The following AP3D1 variants were observed in gnomAD, a reference collection of about 807,000 sequenced individuals.
AP3D1 encodes AP-3 complex subunit delta-1.
In AP3D1, 51 loss-of-function variants were observed where a neutral mutation model predicts 147.6. The observed-to-expected ratio is 0.35, with a 90% confidence interval of 0.28 to 0.44. AP3D1 has a LOEUF of 0.44. AP3D1 is among the 20% of genes least tolerant of loss of function. The probability of loss-of-function intolerance (pLI) is 1.00; values close to 1 mark genes in which losing one functional copy is unlikely to be tolerated. For synonymous variants in AP3D1, 760 were observed against 663.0 expected, an observed-to-expected ratio of 1.15 and a Z score of -2.25; for missense variants, 1,421 against 1,624.2, an observed-to-expected ratio of 0.87 and a Z score of 2.15.
intron 12 of AP3D1, among the ~76,000 whole-genome samples, 189 bp from the exon 13 acceptor site, chr19:2,121,500 G>A (rs1035491725): frequency 9.9e-5 from 15 of 152,174 alleles, no homozygotes; most frequent in African/African-American, 3.6e-4. Flanking sequence ...CCCAGCCAGG[G>A]AGCAACAACT....
chr19:2,118,545 AG>A, intron 15 of AP3D1, 55 bp downstream of exon 15: 2 of 1,531,138 alleles, frequency 1.3e-6, no homozygotes, highest in South Asian at 2.3e-5. Flanking sequence ...GCCACTGGAC[AG>A]AAAGGCACTG....
At chr19:2,138,804 G>GT in intron 1 of AP3D1, 90 bp from the exon 2 acceptor site, 1 of 918,758 alleles carries the variant, frequency 1.1e-6, no homozygotes, top group Non-Finnish European at 1.8e-6. Flanking sequence ...GCTCACGCCT[G>GT]TAATCCCAGC....
At chr19:2,120,839 C>A in intron 14 of AP3D1, 23 bp downstream of exon 14, 1 of 1,595,688 alleles carries the variant, frequency 6.3e-7, no homozygotes, top group South Asian at 1.1e-5. Context: ...AGCTGCCAGC[C>A]CAGAGGCCCA....
chr19:2,134,084 T>A (rs2019017412), intron 4 of AP3D1, among the ~76,000 whole-genome samples: 1 of 151,316 alleles, frequency 6.6e-6, no homozygotes. Flanking sequence ...GGCGACAGAG[T>A]GAGACTCTGT....
At chr19:2,140,380 G>A (rs1422407711) in intron 1 of AP3D1, among the ~76,000 whole-genome samples, 1 of 152,112 alleles carries the variant, frequency 6.6e-6, no homozygotes, top group Admixed American at 6.6e-5. Flanking sequence ...ACACAGGGCA[G>A]CACCATTTCT....
intron 20 of AP3D1, 91 bp from the exon 21 acceptor site, chr19:2,114,912 C>A: frequency 7.3e-7 from 1 of 1,370,568 alleles, no homozygotes; most frequent in East Asian, 2.3e-5. Context: ...ACTGCCCATG[C>A]GGGCCACACG....
chr19:2,116,525 G>A, intron 17 of AP3D1, 80 bp downstream of exon 17: 1 of 1,457,002 alleles, frequency 6.9e-7, no homozygotes, highest in East Asian at 2.5e-5. Context: ...AGGACCCACA[G>A]AGGCCGCTGA....
chr19:2,111,687 G>C lies in AP3D1; in HGVS notation c.2929C>G (p.Gln977Glu). 1 of 1,591,204 alleles carries C rather than the reference G, an allele frequency of 6.3e-7. No homozygotes were observed. The stretch of plus-strand genomic sequence containing the variant: ...GCTGAAGTACCCCTCACCGGGAGCT[G>C]CTCCTCCTCTGGCGCGCCATTCTGC... ...PVQNGAPEEE[Q>E]LPPESSYSLL... The change falls in exon 25 of 32, where the codon CAG (glutamine) becomes GAG (glutamate). Residue 977 changes from glutamine (Q) to glutamate (E), a missense_variant. Gln to Glu is a conservative substitution (Grantham distance 29). Coordinates refer to ENST00000643116, the MANE Select transcript of AP3D1 (RefSeq NM_001261826.3).
chr19:2,102,323 G>A, intron 31 of AP3D1, 55 bp from the exon 32 acceptor site: 1 of 1,481,770 alleles, frequency 6.7e-7, no homozygotes, highest in Non-Finnish European at 9.4e-7. Context: ...GCTAGGCACG[G>A]TGGCTCAAGT....
Position 2,113,305 on chromosome 19 carries a change from G to A in AP3D1, c.2679+31C>T, listed in dbSNP as rs1348777562. ...CAGGTATGACCTCTGCAGACACCGA[G>A]GCTGGCACTGGCCAGCTGCCAGTCT... On this transcript the variant is annotated intron_variant, in intron 23 of 31. Transcript: ENST00000643116. 4 of 1,238,082 alleles carry A rather than the reference G, an allele frequency of 3.2e-6. No homozygotes were observed. The East Asian group carries it at 8.1e-5, about 25-fold the overall frequency. The allele number at this position is 1,238,082 out of a possible 1,614,324, so 76.7% of individuals were successfully genotyped here. A position where few individuals can be genotyped will look rare whatever the true frequency, so the allele number is the denominator to read the frequency against.
In AP3D1 at chr19:2,121,039, T is replaced by C; in HGVS notation, c.1304A>G (p.His435Arg). The change falls in exon 14 of 32, where the codon CAC becomes CGC. Residue 435 changes from histidine to arginine, a missense_variant. Coordinates refer to ENST00000643116, the MANE Select transcript of AP3D1 (RefSeq NM_001261826.3). ...GTCCAGCATTTGGGCGGCGATGAGGTGGCCGTGCCGTGTGCCCTCCAGCCG... is the reference window on the plus strand; with the variant it reads ...GTCCAGCATTTGGGCGGCGATGAGGCGGCCGTGCCGTGTGCCCTCCAGCCG... ...LTRLEGTRHG[H>R]LIAAQMLDVA... is the part of the protein sequence containing the mutation. The C allele has an allele frequency of 1.2e-6, 2 of 1,612,840 alleles. No individual in the cohort carries two copies. The highest frequency in any genetic ancestry group is 1.7e-6 in the Non-Finnish European group (2 of 1,179,950).
chr19:2,118,948 C>T, intron 14 of AP3D1, 116 bp from the exon 15 acceptor site: 1 of 981,338 alleles, frequency 1.0e-6, no homozygotes, highest in South Asian at 1.7e-5. Flanking sequence ...GGGCCCTTCC[C>T]ATTCCCTGAG....
At position 2,117,211 on chromosome 19, in the gene AP3D1, C is replaced by T. The variant is rs777935202; in HGVS notation, c.1859+11G>A. On this transcript the variant is annotated intron_variant, in intron 16 of 31. Transcript: ENST00000643116. The stretch of plus-strand genomic sequence containing the variant: ...GCCATGGTTGCAATGCCCCCACCCC[C>T]GTATCCTTACCCTTCGGGGACTGGA... 23 of 1,596,772 alleles carry T rather than the reference C, an allele frequency of 1.4e-5. No individual in the cohort carries two copies. In the South Asian group the frequency reaches 1.5e-4, roughly 10 times the overall value.
intron 9 of AP3D1, among the ~76,000 whole-genome samples, chr19:2,126,681 A>G (rs1417847387): frequency 2.0e-5 from 3 of 151,704 alleles, no homozygotes; most frequent in Non-Finnish European, 4.4e-5. Context: ...AGAAAGAAAA[A>G]GAAAATATTT....
At chr19:2,114,377 C>T in intron 21 of AP3D1, 75 bp from the exon 22 acceptor site, 1 of 1,293,564 alleles carries the variant, frequency 7.7e-7, no homozygotes, top group Non-Finnish European at 1.1e-6. Flanking sequence ...ATGCCGTGTC[C>T]AAGCATGTGG....
intron 9 of AP3D1, among the ~76,000 whole-genome samples, chr19:2,124,944 C>T (rs1042387919): frequency 6.6e-6 from 1 of 151,998 alleles, no homozygotes; most frequent in Non-Finnish European, 1.5e-5. Flanking sequence ...CGCGATCCCC[C>T]CCACCGCCCC....
At chr19:2,162,321 C>G (rs2019720536) in intron 1 of AP3D1, among the ~76,000 whole-genome samples, 3 of 147,260 alleles carry the variant, frequency 2.0e-5, no homozygotes, top group Admixed American at 2.0e-4. Context: ...CAAGCGTGAG[C>G]CACCGCACCC....
chr19:2,108,277 T>G lies in AP3D1; in HGVS notation c.3552+410A>C, dbSNP rs1345192870. 2.0e-5 allele frequency among the ~76,000 whole-genome samples: 3 copies of G among 152,138 alleles called. No homozygotes were observed. In the East Asian group the frequency reaches 5.8e-4, roughly 29 times the overall value. On this transcript the variant is annotated intron_variant, in intron 31 of 31. Transcript: ENST00000643116. ...ACACTGCGTTTGGCAGTCGACACAC[T>G]GCGAAGACAACCACCCTGCAGTACT...
intron 1 of AP3D1, among the ~76,000 whole-genome samples, chr19:2,156,968 C>G (rs2019650277): frequency 7.4e-6 from 1 of 134,452 alleles, no homozygotes; most frequent in African/African-American, 2.7e-5. Context: ...ATCCATTTAT[C>G]CATCCATCTA....
Sources: gnomAD v4.1 joint callset for allele counts (sites outside exome capture counted in the v4.1 genomes callset) on GRCh38, gnomAD v4.1.1 for gene constraint, MANE v1.5 for transcripts, NCBI Gene and HGNC (gene_info 2026-07-23, HGNC 2026-07-21) for gene names.